Variants in EPHA6 observed in about 807,000 individuals in gnomAD.
EPHA6 encodes the protein ephrin type-A receptor 6.
Under a neutral mutation model 112.0 loss-of-function variants are expected in EPHA6, and 50 were observed. The observed-to-expected ratio is 0.45, with a 90% CI of 0.36 to 0.56. The LOEUF (loss-of-function observed/expected upper bound fraction) is 0.56. Ranked by LOEUF, EPHA6 falls within the 20% of genes least tolerant of loss-of-function variation. The probability of loss-of-function intolerance (pLI) is 0.00; values close to 1 mark genes in which losing one functional copy is unlikely to be tolerated. For missense variants in EPHA6, 1,280 were observed against 1,417.4 expected, an observed-to-expected ratio of 0.90 and a Z score of 1.56; for synonymous variants, 529 against 490.7, an observed-to-expected ratio of 1.08 and a Z score of -1.03.
chr3:97,113,959 A>G (rs1408051404), intron 3 of EPHA6, among the ~76,000 whole-genome samples: 1 of 152,126 alleles, frequency 6.6e-6, no homozygotes, highest in Non-Finnish European at 1.5e-5. Flanking sequence ...CCTGTCCTGA[A>G]TTACAGCAGA....
intron 14 of EPHA6, among the ~76,000 whole-genome samples, chr3:97,668,943 A>AAAAAAAAC (rs2030473782): frequency 6.7e-6 from 1 of 149,712 alleles, no homozygotes; most frequent in Non-Finnish European, 1.5e-5. Context: ...AAAAAAAAAA[A>AAAAAAAAC]ATCCACTAAG....
At chr3:97,625,192 T>C (rs570737005) in intron 13 of EPHA6, among the ~76,000 whole-genome samples, 17 of 151,786 alleles carry the variant, frequency 1.1e-4, no homozygotes, top group African/African-American at 3.6e-4. Flanking sequence ...ACAAATTTCC[T>C]CCTTGGCTCT....
rs771678119 is a variant in EPHA6, at chr3:96,829,982, C to CACACACACACAT, written c.385+14981_385+14982insCACATACACACA. ...ACACACACACACACACACACACACACACACACAGAAATGGTATGCTATTTG... is the reference window on the plus strand; with the variant it reads ...ACACACACACACACACACACACACACACACACACACATACACACAGAAATGGTATGCTATTTG... On this transcript the variant is annotated intron_variant, in intron 1 of 17. Coordinates refer to ENST00000389672, the MANE Select transcript of EPHA6 (RefSeq NM_001080448.3). 3.3e-3 allele frequency among the ~76,000 whole-genome samples: 490 copies of CACACACACACAT among 148,236 alleles called. 2 individuals are homozygous for CACACACACACAT. The highest frequency in any genetic ancestry group is 9.3e-3 in the African/African-American group (376 of 40,218).
At chr3:97,674,608 G>A (rs990150698) in intron 14 of EPHA6, among the ~76,000 whole-genome samples, 6 of 152,160 alleles carry the variant, frequency 3.9e-5, no homozygotes, top group South Asian at 2.1e-4. Flanking sequence ...CAATTACTGA[G>A]TTTGAATCAA....
chr3:97,323,209 T>TA (rs1317663766), intron 5 of EPHA6, among the ~76,000 whole-genome samples: 12 of 151,854 alleles, frequency 7.9e-5, no homozygotes, highest in Admixed American at 4.6e-4. Flanking sequence ...GGTTTTTTTT[T>TA]AAAAAGTTCT....
intron 3 of EPHA6, among the ~76,000 whole-genome samples, chr3:97,091,191 G>A (rs146154585): frequency 1.2e-3 from 190 of 152,172 alleles, no homozygotes; most frequent in Admixed American, 3.9e-3. Flanking sequence ...AGAGCATTTT[G>A]CAAAATAGGT....
At chr3:97,111,800 T>C (rs2108283584) in intron 3 of EPHA6, among the ~76,000 whole-genome samples, 1 of 152,218 alleles carries the variant, frequency 6.6e-6, no homozygotes, top group South Asian at 2.1e-4. Context: ...TCTTCCACAT[T>C]CATTTGACGG....
At chr3:97,533,340 G>A (rs1050571717) in intron 11 of EPHA6, among the ~76,000 whole-genome samples, 2 of 151,836 alleles carry the variant, frequency 1.3e-5, no homozygotes, top group African/African-American at 4.8e-5. Flanking sequence ...AAATAAAATT[G>A]TAACTTTATG....
intron 11 of EPHA6, among the ~76,000 whole-genome samples, chr3:97,544,899 C>T (rs1235473126): frequency 6.6e-6 from 1 of 152,186 alleles, no homozygotes; most frequent in Non-Finnish European, 1.5e-5. Context: ...ATAGTATTCT[C>T]TGATGGTAGT....
intron 5 of EPHA6, among the ~76,000 whole-genome samples, chr3:97,287,803 C>T (rs1349155063): frequency 6.6e-6 from 1 of 151,996 alleles, no homozygotes; most frequent in East Asian, 1.9e-4. Context: ...CTGTTGGATT[C>T]AGTTTGTTAG....
rs76165944 is a variant in EPHA6 at position 97,469,487 on chromosome 3, C to T, written c.1895-5865C>T. ...TATTTGTTTTTGTCTTGCTTTCTATCGTTCAACTAAATCACATAATTGAGA... is the reference window on the plus strand; with the variant it reads ...TATTTGTTTTTGTCTTGCTTTCTATTGTTCAACTAAATCACATAATTGAGA... On this transcript the variant is annotated intron_variant, in intron 7 of 17. Transcript: ENST00000389672. Among the ~76,000 whole-genome samples, 1,204 of 151,816 alleles carry T rather than the reference C, an allele frequency of 7.9e-3. 14 individuals are homozygous for T. Among genetic ancestry groups the T allele is most frequent in the African/African-American group, 0.028 (1,156 of 41,500 alleles).
At chr3:97,382,610 A>G (rs578091217) in intron 5 of EPHA6, among the ~76,000 whole-genome samples, 1 of 152,168 alleles carries the variant, frequency 6.6e-6, no homozygotes, top group South Asian at 2.1e-4. Context: ...AAGCATTTTT[A>G]ACTTTAGTGA....
chr3:97,392,219 G>A, intron 5 of EPHA6, among the ~76,000 whole-genome samples: 1 of 151,746 alleles, frequency 6.6e-6, no homozygotes, highest in Non-Finnish European at 1.5e-5. Flanking sequence ...TTAAGATTAG[G>A]TTTACGTAGG....
intron 3 of EPHA6, among the ~76,000 whole-genome samples, chr3:97,221,664 T>A (rs1412358654): frequency 1.3e-5 from 2 of 152,186 alleles, no homozygotes; most frequent in African/African-American, 4.8e-5. Context: ...ATACACAGAA[T>A]ACTTGTGCAA....
At chr3:97,088,136 G>A (rs1192009625) in intron 3 of EPHA6, among the ~76,000 whole-genome samples, 2 of 151,936 alleles carry the variant, frequency 1.3e-5, no homozygotes, top group Non-Finnish European at 2.9e-5. Flanking sequence ...AGCCGAGATC[G>A]TGCCACTACA....
chr3:97,041,844 A>C (rs929707824), intron 3 of EPHA6, among the ~76,000 whole-genome samples: 1 of 152,040 alleles, frequency 6.6e-6, no homozygotes, highest in East Asian at 1.9e-4. Context: ...GAACTCACTC[A>C]CTATCATGCG....
At chr3:96,955,319 A>G (rs115749684) in intron 2 of EPHA6, among the ~76,000 whole-genome samples, 11 of 152,174 alleles carry the variant, frequency 7.2e-5, no homozygotes, top group African/African-American at 1.9e-4. Flanking sequence ...ATCTCTTTTC[A>G]TTTATTTGGA....
At chr3:97,113,775 T>C (rs1346697234) in intron 3 of EPHA6, among the ~76,000 whole-genome samples, 1 of 152,168 alleles carries the variant, frequency 6.6e-6, no homozygotes, top group African/African-American at 2.4e-5. Flanking sequence ...TTTGTCATTG[T>C]CATGTAAAGA....
At chr3:96,924,925 C>G (rs2039957657) in intron 2 of EPHA6, among the ~76,000 whole-genome samples, 1 of 151,878 alleles carries the variant, frequency 6.6e-6, no homozygotes, top group Non-Finnish European at 1.5e-5. Flanking sequence ...GTTTATGTAA[C>G]TATGCAACAT....
Sources: allele counts gnomAD v4.1 joint callset (sites outside exome capture counted in the v4.1 genomes callset), GRCh38; gene constraint gnomAD v4.1.1; transcripts MANE v1.5; gene names NCBI Gene and HGNC (gene_info 2026-07-23, HGNC 2026-07-21).